PPP1R16A: variants seen among roughly 807,000 people sequenced by gnomAD.
PPP1R16A encodes the protein myosin phosphatase-targeting subunit 3.
In PPP1R16A, 39 loss-of-function variants were observed where a neutral mutation model predicts 46.6. That is an observed-to-expected ratio of 0.84 (90% CI 0.65 to 1.09). The LOEUF is 1.09. Among genes scored for constraint, PPP1R16A ranks in the 50% least tolerant of loss-of-function variants. The pLI is 0.00. For synonymous variants in PPP1R16A, 413 were observed against 321.5 expected, an observed-to-expected ratio of 1.28 and a Z score of -3.04; for missense variants, 798 against 735.6, an observed-to-expected ratio of 1.08 and a Z score of -0.98.
At chr8:144,479,428 G>A (rs1825312886) in intron 1 of PPP1R16A, among the ~76,000 whole-genome samples, 1 of 152,158 alleles carries the variant, frequency 6.6e-6, no homozygotes, top group Admixed American at 6.5e-5. Context: ...CTCCCTGTTG[G>A]CTGGGGCCAT....
chr8:144,499,837 T>G (rs1261877645), intron 5 of PPP1R16A: 2 of 481,020 alleles, frequency 4.2e-6, no homozygotes, highest in African/African-American at 2.0e-5. Flanking sequence ...TGCATGTTTA[T>G]GGGGGCACCG....
chr8:144,480,490 C>CTT (rs751435629), intron 1 of PPP1R16A, among the ~76,000 whole-genome samples: 43 of 143,564 alleles, frequency 3.0e-4, no homozygotes, highest in African/African-American at 8.7e-4. Context: ...ATTTTTATAT[C>CTT]TTTTTTTTTT....
intron 1 of PPP1R16A, among the ~76,000 whole-genome samples, chr8:144,489,824 A>T (rs1260189632): frequency 1.3e-5 from 2 of 152,182 alleles, no homozygotes; most frequent in Non-Finnish European, 2.9e-5. Flanking sequence ...AACCTGCTTT[A>T]TGGCTGGTGC....
rs118092692 is a variant in PPP1R16A, at chr8:144,489,531, T to C, written c.-913-503T>C. 2.6e-4 allele frequency among the ~76,000 whole-genome samples: 40 copies of C among 152,238 alleles called. No individual in the cohort carries two copies. In the East Asian group the frequency reaches 7.7e-3, roughly 29 times the overall value. ...AAACTGCTGCTTCCTTGGAGCAGTC[T>C]GCAGGCCCCGGGGATGCCCTGTGTG... On this transcript the variant is annotated intron_variant, in intron 1 of 11. Transcript: ENST00000435887.
Position 144,497,337 on chromosome 8 carries a change from A to T in PPP1R16A, c.143A>T (p.Lys48Met). ...GCTGAGAAGGAGGCCCAGGGCAAGA[A>T]GGGTCCTGGGGAGCGTCCCCGGAAG... is the stretch of plus-strand genomic sequence containing the variant. ...AQAEKEAQGKKGPGERPRKEA... is the reference protein window; with the variant it reads ...AQAEKEAQGKMGPGERPRKEA... The change falls in exon 3 of 12, where the codon AAG (lysine) becomes ATG (methionine). Residue 48 changes from lysine to methionine, a missense_variant. Physicochemically the swap from Lys to Met is moderately conservative, Grantham distance 95. Coordinates refer to ENST00000435887, the MANE Select transcript of PPP1R16A (RefSeq NM_001329443.2). 6.2e-7 allele frequency: 1 copy of T among 1,612,756 alleles called. No individual in the cohort carries two copies. The highest frequency in any genetic ancestry group is 8.5e-7 in the Non-Finnish European group (1 of 1,179,908).
chr8:144,491,927 G>A (rs946291054), intron 2 of PPP1R16A, among the ~76,000 whole-genome samples: 1 of 152,296 alleles, frequency 6.6e-6, no homozygotes, highest in East Asian at 1.9e-4. Context: ...GTGAGACCCT[G>A]TCTCTTAAAA....
chr8:144,492,838 C>CG (rs1825872821), intron 2 of PPP1R16A, among the ~76,000 whole-genome samples: 1 of 152,168 alleles, frequency 6.6e-6, no homozygotes, highest in South Asian at 2.1e-4. Context: ...GAATGGCATG[C>CG]GGCCTCTACC....
At position 144,493,778 on chromosome 8, in the gene PPP1R16A, C is replaced by T. The variant is rs548599958; in HGVS notation, c.-734-2683C>T. Among the ~76,000 whole-genome samples the T allele has an allele frequency of 2.0e-5, 3 of 152,116 alleles. No homozygotes were observed. Among genetic ancestry groups the T allele is most frequent in the Non-Finnish European group, 2.9e-5 (2 of 67,970 alleles). Reference sequence around the variant, plus strand: ...CTCTTAGAGGAGGCAGTTGGACCCTCGAGCAGGACAGGAACCTGCCCAGAG... The same window carrying T: ...CTCTTAGAGGAGGCAGTTGGACCCTTGAGCAGGACAGGAACCTGCCCAGAG... On this transcript the variant is annotated intron_variant, in intron 2 of 11. Transcript: ENST00000435887. The surrounding 1 kb of genome is among the most constrained non-coding windows in gnomAD (Gnocchi z 4.3).
chr8:144,498,662 A>C, intron 3 of PPP1R16A, 108 bp from the exon 4 acceptor site: 2 of 1,129,360 alleles, frequency 1.8e-6, no homozygotes, highest in Non-Finnish European at 1.2e-6. Flanking sequence ...GCCTCCTGCC[A>C]TCGGCACCAC....
At position 144,501,227 on chromosome 8, in the gene PPP1R16A, G is replaced by T. The variant is rs138377500; in HGVS notation, c.1136G>T (p.Ser379Ile). ...GTGTGGCAACAGCCGCCGCCCACCA[G>T]CCCGGAGCCGCCCGAGGACAACGAT... ...AIVWQQPPPTSPEPPEDNDDR... is the reference protein window; with the variant it reads ...AIVWQQPPPTIPEPPEDNDDR... The change falls in exon 11 of 12, where the codon AGC becomes ATC. Residue 379 changes from serine to isoleucine, a missense_variant. Ser to Ile is a moderately radical substitution (Grantham distance 142). Coordinates refer to ENST00000435887, the MANE Select transcript of PPP1R16A (RefSeq NM_001329443.2). 57 of 1,606,482 alleles carry T rather than the reference G, an allele frequency of 3.5e-5. No homozygotes were observed. In the African/African-American group the frequency reaches 3.7e-4, roughly 11 times the overall value.
rs201966715 is a variant in PPP1R16A, at chr8:144,500,078, C to T, written c.477-18C>T. 9.4e-6 allele frequency: 15 copies of T among 1,594,422 alleles called. No individual in the cohort carries two copies. In the East Asian group the frequency reaches 1.4e-4, roughly 15 times the overall value. On this transcript the variant is annotated intron_variant, in intron 5 of 11. Coordinates refer to ENST00000435887, the MANE Select transcript of PPP1R16A (RefSeq NM_001329443.2). ...GGGAAGGGCCTTGTGCCCAGCACCC[C>T]GTCCGTCTTCCCTGCAGTGGCGCCA...
At chr8:144,479,299 G>A (rs1026674279) in intron 1 of PPP1R16A, 5 of 152,396 alleles carry the variant, frequency 3.3e-5, no homozygotes, top group Non-Finnish European at 5.9e-5. Flanking sequence ...TCACTGTGGT[G>A]GACGCTCAGA....
Position 144,501,589 on chromosome 8 carries a change from T to C in PPP1R16A, c.1273T>C (p.Ser425Pro). The C allele has an allele frequency of 1.9e-6, 3 of 1,604,974 alleles. No individual in the cohort carries two copies. The highest frequency in any genetic ancestry group is 2.5e-6 in the Non-Finnish European group (3 of 1,176,560). ...GGGCTCCCCAGTGCGGCATCTATACTCCAAGCGACTAGACCGGAGTGTCTC... is the reference window on the plus strand; with the variant it reads ...GGGCTCCCCAGTGCGGCATCTATACCCCAAGCGACTAGACCGGAGTGTCTC... Reference protein sequence around the residue: ...VGGSPVRHLYSKRLDRSVSYQ... With the variant: ...VGGSPVRHLYPKRLDRSVSYQ... Residue 425 changes from serine (S) to proline (P), a missense_variant, in exon 12 of 12, where the codon TCC becomes CCC. Ser to Pro is a moderately conservative substitution (Grantham distance 74). Coordinates refer to ENST00000435887, the MANE Select transcript of PPP1R16A (RefSeq NM_001329443.2).
At position 144,500,401 on chromosome 8, in the gene PPP1R16A, G is replaced by GC; in HGVS notation, c.705+10_705+11insC. 6.6e-7 allele frequency: 1 copy of GC among 1,519,604 alleles called. No homozygotes were observed. Among genetic ancestry groups the GC allele is most frequent in the Non-Finnish European group, 8.8e-7 (1 of 1,138,042 alleles). 94.1% of individuals were successfully genotyped at this position (1,519,604 alleles called of 1,614,324 possible). On this transcript the variant is annotated intron_variant, in intron 7 of 11. Coordinates refer to ENST00000435887, the MANE Select transcript of PPP1R16A (RefSeq NM_001329443.2). Reference sequence around the variant, plus strand: ...CCACGGGGCCACGCTGGTGAGGGCTGGGGGGTGAGGGGCACACGGGGCTGG... The same window carrying GC: ...CCACGGGGCCACGCTGGTGAGGGCTGCGGGGGTGAGGGGCACACGGGGCTGG...
intron 5 of PPP1R16A, chr8:144,499,309 C>T (rs1029785400): frequency 1.8e-6 from 1 of 551,908 alleles, no homozygotes; most frequent in Non-Finnish European, 3.2e-6. Flanking sequence ...GCCTCGGGCC[C>T]CCCCCCAGAG....
rs899695603 is a variant in PPP1R16A, at chr8:144,501,658, G to C, written c.1342G>C (p.Val448Leu). 2.5e-6 allele frequency: 4 copies of C among 1,610,580 alleles called. No homozygotes were observed. Among genetic ancestry groups the C allele is most frequent in the Admixed American group, 1.7e-5 (1 of 59,812 alleles). ...GGACAGCACCACCCCCCACACCCTG[G>C]TCCACGACAAGGCCCACCACACCCT... ...PLDSTTPHTL[V>L]HDKAHHTLAD... Residue 448 changes from valine (V) to leucine (L), a missense_variant, in exon 12 of 12, where the codon GTC becomes CTC. Physicochemically the swap from Val to Leu is conservative, Grantham distance 32. Coordinates refer to ENST00000435887, the MANE Select transcript of PPP1R16A (RefSeq NM_001329443.2).
chr8:144,484,351 A>T (rs937358830), intron 1 of PPP1R16A, among the ~76,000 whole-genome samples: 7 of 152,216 alleles, frequency 4.6e-5, no homozygotes, highest in African/African-American at 1.7e-4. Flanking sequence ...CGTGGGGGTT[A>T]TGGCCCATTA....
intron 1 of PPP1R16A, among the ~76,000 whole-genome samples, chr8:144,488,096 C>T (rs559892893): frequency 6.0e-4 from 91 of 152,310 alleles, no homozygotes; most frequent in African/African-American, 2.2e-3. Flanking sequence ...TAGGAGTGGA[C>T]ATCCTCCCCT....
intron 2 of PPP1R16A, among the ~76,000 whole-genome samples, chr8:144,490,610 G>A (rs1825775054): frequency 6.6e-6 from 1 of 152,212 alleles, no homozygotes; most frequent in Non-Finnish European, 1.5e-5. Flanking sequence ...CAAATGAACG[G>A]TGAACAGTCA....
Sources: gnomAD v4.1 joint callset for allele counts (sites outside exome capture counted in the v4.1 genomes callset) on GRCh38, gnomAD v4.1.1 for gene constraint, Gnocchi (gnomAD v3.1) non-coding constraint, MANE v1.5 for transcripts, NCBI Gene and HGNC (gene_info 2026-07-23, HGNC 2026-07-21) for gene names.